The following SLC4A10 variants were observed in gnomAD, a reference collection of about 807,000 sequenced individuals.
The protein encoded by SLC4A10 is sodium-driven chloride bicarbonate exchanger.
A neutral mutation model predicts 137.7 loss-of-function variants in SLC4A10; 42 were observed. The observed-to-expected ratio is 0.30, with a 90% CI of 0.24 to 0.39. The LOEUF is 0.39. Ranked by LOEUF, SLC4A10 falls within the 10% of genes least tolerant of loss-of-function variation. The pLI is 1.00. For synonymous variants in SLC4A10, 474 were observed against 464.1 expected (o/e 1.02, Z -0.27); for missense variants, 925 against 1,355.0 (o/e 0.68, Z 4.98).
At chr2:161,860,821 G>T (rs2060394024) in intron 5 of SLC4A10, among the ~76,000 whole-genome samples, 2 of 152,122 alleles carry the variant, frequency 1.3e-5, no homozygotes, top group Non-Finnish European at 2.9e-5. Context: ...AAATGATAGA[G>T]CACACTATAT....
Position 161,984,180 on chromosome 2 carries a change from A to T in SLC4A10, c.*1028A>T, listed in dbSNP as rs1484853407. 2 of 150,706 alleles carry T rather than the reference A, an allele frequency of 1.3e-5. No individual in the cohort carries two copies. Among genetic ancestry groups the T allele is most frequent in the African/African-American group, 2.4e-5 (1 of 41,088 alleles). 9.3% of individuals were successfully genotyped at this position (150,706 alleles called of 1,614,324 possible). On this transcript the variant is annotated 3_prime_UTR_variant, in exon 27 of 27. Coordinates refer to ENST00000446997, the MANE Select transcript of SLC4A10 (RefSeq NM_001178015.2). Reference sequence around the variant, plus strand: ...TTAGACCAACAGCTCTCCAATTGTCATTTTTTTTCTGCAGAGTTTTTTTTT... The same window carrying T: ...TTAGACCAACAGCTCTCCAATTGTCTTTTTTTTTCTGCAGAGTTTTTTTTT...
At chr2:161,832,670 T>C (rs1030506216) in intron 3 of SLC4A10, among the ~76,000 whole-genome samples, 1 of 152,122 alleles carries the variant, frequency 6.6e-6, no homozygotes, top group Non-Finnish European at 1.5e-5. Flanking sequence ...AGTACTTAGA[T>C]TCATTTGGGC....
chr2:161,983,297 TTA>T lies in SLC4A10; in HGVS notation c.*146_*147del. The T allele has an allele frequency of 6.8e-7, 1 of 1,463,256 alleles. No homozygotes were observed. Among genetic ancestry groups the T allele is most frequent in the Non-Finnish European group, 9.2e-7 (1 of 1,083,836 alleles). The allele number at this position is 1,463,256 out of a possible 1,614,324, so 90.6% of individuals were successfully genotyped here. A position where few individuals can be genotyped will look rare whatever the true frequency, so the allele number is the denominator to read the frequency against. On this transcript the variant is annotated 3_prime_UTR_variant, in exon 27 of 27. Coordinates refer to ENST00000446997, the MANE Select transcript of SLC4A10 (RefSeq NM_001178015.2). ...ATATATGAGAAGAGTGTCACAATTATTAATAAAACTGCTTTGATCATGTATTG... is the reference window on the plus strand; with the variant it reads ...ATATATGAGAAGAGTGTCACAATTATATAAAACTGCTTTGATCATGTATTG...
intron 16 of SLC4A10, among the ~76,000 whole-genome samples, chr2:161,943,153 G>A (rs1334503191): frequency 1.3e-5 from 2 of 152,046 alleles, no homozygotes; most frequent in Non-Finnish European, 2.9e-5. Flanking sequence ...TGGACTGAAA[G>A]CACATTAAAT....
At chr2:161,716,471 T>C (rs1480420264) in intron 1 of SLC4A10, among the ~76,000 whole-genome samples, 1 of 152,212 alleles carries the variant, frequency 6.6e-6, no homozygotes, top group Non-Finnish European at 1.5e-5. Context: ...GGGTTTTACA[T>C]TTAAGTCTTT....
At chr2:161,721,248 G>T (rs1044132494) in intron 1 of SLC4A10, among the ~76,000 whole-genome samples, 3 of 152,272 alleles carry the variant, frequency 2.0e-5, no homozygotes, top group Admixed American at 2.0e-4. Context: ...TTATTTTGTA[G>T]ATTTGTTAGT....
At chr2:161,791,468 G>A (rs2054201219) in intron 2 of SLC4A10, among the ~76,000 whole-genome samples, 1 of 152,172 alleles carries the variant, frequency 6.6e-6, no homozygotes, top group African/African-American at 2.4e-5. Flanking sequence ...GCCTGTTGGA[G>A]GGTAGGAGGT....
intron 23 of SLC4A10, among the ~76,000 whole-genome samples, chr2:161,967,810 TA>T (rs1243102189): frequency 2.0e-5 from 3 of 152,220 alleles, no homozygotes; most frequent in African/African-American, 7.2e-5. Flanking sequence ...TAGCCTATGG[TA>T]AAATTGGTTT....
intron 1 of SLC4A10, among the ~76,000 whole-genome samples, chr2:161,702,939 A>G (rs1574453203): frequency 6.6e-6 from 1 of 151,782 alleles, no homozygotes; most frequent in Non-Finnish European, 1.5e-5. Context: ...AGTTAATTTA[A>G]ACCTTTGTGT....
At chr2:161,869,218 T>C (rs2060959133) in intron 6 of SLC4A10, among the ~76,000 whole-genome samples, 1 of 151,638 alleles carries the variant, frequency 6.6e-6, no homozygotes, top group Non-Finnish European at 1.5e-5. Flanking sequence ...AAAATTGCCA[T>C]TCTGTGAACC....
At chr2:161,721,158 G>T (rs919652569) in intron 1 of SLC4A10, among the ~76,000 whole-genome samples, 5 of 152,164 alleles carry the variant, frequency 3.3e-5, no homozygotes, top group Admixed American at 6.5e-5. Flanking sequence ...TGTGTCTTTT[G>T]ATTTGGGCAT....
intron 1 of SLC4A10, among the ~76,000 whole-genome samples, chr2:161,641,553 A>T (rs1471667794): frequency 6.6e-6 from 1 of 152,156 alleles, no homozygotes; most frequent in African/African-American, 2.4e-5. Flanking sequence ...ATCTTGTAGC[A>T]GTTATACCAT....
intron 1 of SLC4A10, among the ~76,000 whole-genome samples, chr2:161,638,434 T>C (rs2034771954): frequency 6.6e-6 from 1 of 152,196 alleles, no homozygotes. Context: ...CATTTGGCTG[T>C]AAATACGTGG....
chr2:161,794,019 T>C (rs975683342), intron 2 of SLC4A10, among the ~76,000 whole-genome samples: 3 of 152,146 alleles, frequency 2.0e-5, no homozygotes, highest in African/African-American at 7.2e-5. Flanking sequence ...TTAATAACAA[T>C]ATTGTTCATG....
chr2:161,946,561 T>G (rs1437769793), intron 16 of SLC4A10, among the ~76,000 whole-genome samples: 1 of 152,160 alleles, frequency 6.6e-6, no homozygotes, highest in Admixed American at 6.6e-5. Context: ...CTGGATCATT[T>G]AAACCATTAT....
intron 1 of SLC4A10, among the ~76,000 whole-genome samples, chr2:161,699,623 A>G (rs1201754131): frequency 6.6e-6 from 1 of 152,228 alleles, no homozygotes; most frequent in Non-Finnish European, 1.5e-5. Flanking sequence ...TAAATGAAAG[A>G]CAAGATTAAG....
chr2:161,956,178 A>ATGT (rs1559622288), intron 19 of SLC4A10, among the ~76,000 whole-genome samples: 7 of 152,192 alleles, frequency 4.6e-5, no homozygotes, highest in African/African-American at 1.4e-4. Context: ...ATTATTCCAA[A>ATGT]TGATTTACAA....
intron 19 of SLC4A10, among the ~76,000 whole-genome samples, chr2:161,955,505 C>T (rs916726857): frequency 6.6e-6 from 1 of 152,136 alleles, no homozygotes; most frequent in Non-Finnish European, 1.5e-5. Context: ...TAAGCTGAAT[C>T]AATGAAGGGT....
At chr2:161,928,811 T>C (rs1467001886) in intron 15 of SLC4A10, among the ~76,000 whole-genome samples, 1 of 152,038 alleles carries the variant, frequency 6.6e-6, no homozygotes, top group Non-Finnish European at 1.5e-5. Flanking sequence ...CTATATGCCA[T>C]GCGTATAGCA....
Sources: gnomAD v4.1 joint callset for allele counts (sites outside exome capture counted in the v4.1 genomes callset) on GRCh38, gnomAD v4.1.1 for gene constraint, MANE v1.5 for transcripts, NCBI Gene and HGNC (gene_info 2026-07-23, HGNC 2026-07-21) for gene names.